SOD2: variants seen among roughly 807,000 people sequenced by gnomAD.
SOD2 encodes superoxide dismutase 2, also known as superoxide dismutase [Mn], mitochondrial.
Under a neutral mutation model 27.0 loss-of-function variants are expected in SOD2, and 11 were observed. The ratio of observed to expected loss-of-function variants is 0.41; its 90% CI spans 0.26 to 0.67. The LOEUF is 0.67. Ranked by LOEUF, SOD2 falls within the 30% of genes least tolerant of loss-of-function variation. SOD2 has a pLI of 0.34. For missense variants in SOD2, 250 were observed against 274.5 expected, an observed-to-expected ratio of 0.91 and a Z score of 0.63; for synonymous variants, 105 against 103.0, an observed-to-expected ratio of 1.02 and a Z score of -0.12.
Position 159,693,204 on chromosome 6 carries a change from C to G in SOD2, c.-37G>C. On this transcript the variant is annotated 5_prime_UTR_variant, in exon 1 of 5. Coordinates refer to ENST00000538183, the MANE Select transcript of SOD2 (RefSeq NM_000636.4). ...TGGTGCTACCGCTGATGCCGCCGAT[C>G]TGCTGAAGCCGCTGCCGAAGCCACC... is the stretch of plus-strand genomic sequence containing the variant. 1 of 1,511,168 alleles carries G rather than the reference C, an allele frequency of 6.6e-7. No individual in the cohort carries two copies. Among genetic ancestry groups the G allele is most frequent in the Non-Finnish European group, 8.9e-7 (1 of 1,126,960 alleles). The allele number at this position is 1,511,168 out of a possible 1,614,324, so 93.6% of individuals were successfully genotyped here.
At chr6:159,690,022 G>A (rs542889087) in intron 2 of SOD2, among the ~76,000 whole-genome samples, 32 of 151,218 alleles carry the variant, frequency 2.1e-4, no homozygotes, top group African/African-American at 7.0e-4. Flanking sequence ...GGTGGCTCAC[G>A]CCTGTAATCC....
In SOD2 at chr6:159,676,525, C is replaced by T. The variant is rs997474423; in HGVS notation, c.*5968G>A. 1 of 151,998 alleles carries T rather than the reference C, an allele frequency of 6.6e-6. No homozygotes were observed. Among genetic ancestry groups the T allele is most frequent in the Non-Finnish European group, 1.5e-5 (1 of 68,042 alleles). 9.4% of individuals were successfully genotyped at this position (151,998 alleles called of 1,614,324 possible). On this transcript the variant is annotated 3_prime_UTR_variant, in exon 5 of 5. Coordinates refer to ENST00000538183, the MANE Select transcript of SOD2 (RefSeq NM_000636.4). Reference sequence around the variant, plus strand: ...AAAAAACAAACACCGCATGTTCTCACTCATAGATGGGAATTGAACAATGAG... The same window carrying T: ...AAAAAACAAACACCGCATGTTCTCATTCATAGATGGGAATTGAACAATGAG...
intron 1 of SOD2, among the ~76,000 whole-genome samples, chr6:159,737,215 AT>A (rs1174322651): frequency 1.3e-5 from 2 of 151,886 alleles, no homozygotes; most frequent in African/African-American, 2.4e-5. Flanking sequence ...CGCCCAGCTA[AT>A]TTTTGTATTT....
At position 159,679,458 on chromosome 6, in the gene SOD2, C is replaced by T. The variant is rs1779856546; in HGVS notation, c.*3035G>A. ...ATTTTAACTTTATGGTTTGGTATTA[C>T]TTTTTTAAAGGCGCTCAATAGAAAT... On this transcript the variant is annotated 3_prime_UTR_variant, in exon 5 of 5. Coordinates refer to ENST00000538183, the MANE Select transcript of SOD2 (RefSeq NM_000636.4). 1 of 152,138 alleles carries T rather than the reference C, an allele frequency of 6.6e-6. No homozygotes were observed. The highest frequency in any genetic ancestry group is 2.4e-5 in the African/African-American group (1 of 41,430). The allele number at this position is 152,138 out of a possible 1,614,324, so 9.4% of individuals were successfully genotyped here.
At chr6:159,692,158 CAGG>C in intron 2 of SOD2, 1 of 234,730 alleles carries the variant, frequency 4.3e-6, no homozygotes, top group Non-Finnish European at 8.1e-6. Flanking sequence ...CCACTTCTAT[CAGG>C]AGGTGACCCT....
chr6:159,749,037 C>G (rs1280779710), upstream of SOD2: 1 of 994,862 alleles, frequency 1.0e-6, no homozygotes, highest in Non-Finnish European at 1.2e-6. Flanking sequence ...TATATTTAAC[C>G]ATTTAGTTTG....
rs1779847396 is a variant in SOD2, at chr6:159,679,219, A to T, written c.*3274T>A. On this transcript the variant is annotated 3_prime_UTR_variant, in exon 5 of 5. Transcript: ENST00000538183. ...TCAAACAAAAATTATCCAGGACCTT[A>T]TAGGGTTTTCAGTATGTACCAGGCT... is the stretch of plus-strand genomic sequence containing the variant. 1 of 152,250 alleles carries T rather than the reference A, an allele frequency of 6.6e-6. No individual in the cohort carries two copies. Among genetic ancestry groups the T allele is most frequent in the South Asian group, 2.1e-4 (1 of 4,836 alleles). The allele number at this position is 152,250 out of a possible 1,614,324, so 9.4% of individuals were successfully genotyped here.
Position 159,674,097 on chromosome 6 carries a change from ATAAT to A in SOD2, c.*8392_*8395del, listed in dbSNP as rs1251031649. ...AATAACAGGCTCTGAAATTGAGGCA[ATAAT>A]TAATAGCCTACCAACCAAAAAAAGT... On this transcript the variant is annotated 3_prime_UTR_variant, in exon 5 of 5. Transcript: ENST00000538183. The A allele has an allele frequency of 1.3e-5, 2 of 152,246 alleles. No individual in the cohort carries two copies. The highest frequency in any genetic ancestry group is 1.5e-5 in the Non-Finnish European group (1 of 68,046). 9.4% of individuals were successfully genotyped at this position (152,246 alleles called of 1,614,324 possible). A position where few individuals can be genotyped will look rare whatever the true frequency, so the allele number is the denominator to read the frequency against.
intron 1 of SOD2, among the ~76,000 whole-genome samples, chr6:159,722,733 A>G (rs1350930879): frequency 6.6e-6 from 1 of 152,192 alleles, no homozygotes; most frequent in African/African-American, 2.4e-5. Flanking sequence ...CATTACCTAC[A>G]ACAACTAGCC....
chr6:159,699,165 A>G (rs1777482885), intron 1 of SOD2, among the ~76,000 whole-genome samples: 1 of 152,144 alleles, frequency 6.6e-6, no homozygotes. Context: ...CTGTCCCTAC[A>G]CAACTTCCCA....
rs764725164 is a variant in SOD2 at position 159,740,326 on chromosome 6, A to G, written c.-116+4804T>C. 1.1e-4 allele frequency among the ~76,000 whole-genome samples: 17 copies of G among 152,222 alleles called. 1 individual carries two copies. In the East Asian group the frequency reaches 1.7e-3, roughly 16 times the overall value. On this transcript the variant is annotated intron_variant, in intron 1 of 3. Coordinates refer to the SOD2 transcript ENST00000537657. The stretch of plus-strand genomic sequence containing the variant: ...AAGATACCTTTAAGGTTTCTAAATC[A>G]TATGCAGTGTATTTCCTTGAGGTCA...
intron 4 of SOD2, among the ~76,000 whole-genome samples, chr6:159,683,914 G>A (rs998396983): frequency 6.6e-6 from 1 of 152,196 alleles, no homozygotes; most frequent in Non-Finnish European, 1.5e-5. Context: ...GTAGAAGAAG[G>A]GGCAGAGAAT....
At chr6:159,733,506 CAGGTACT>C (rs1354831954) in intron 1 of SOD2, among the ~76,000 whole-genome samples, 12 of 152,058 alleles carry the variant, frequency 7.9e-5, no homozygotes, top group Non-Finnish European at 1.5e-4. Context: ...CCTGTAGTCC[CAGGTACT>C]CGGGAGGCTG....
chr6:159,743,910 C>T (rs554945078), intron 1 of SOD2: 21 of 1,111,918 alleles, frequency 1.9e-5, no homozygotes, highest in South Asian at 1.4e-4. Flanking sequence ...TTTATAGGTA[C>T]GTATGCTTTG....
In SOD2 at chr6:159,676,298, G is replaced by C. The variant is rs572267111; in HGVS notation, c.*6195C>G. On this transcript the variant is annotated 3_prime_UTR_variant, in exon 5 of 5. Transcript: ENST00000538183. The stretch of plus-strand genomic sequence containing the variant: ...TGCTGCTATAAAGACACATGCACAC[G>C]TATATTTATTGTGGCACTGTTCACA... The C allele has an allele frequency of 6.6e-6, 1 of 152,228 alleles. No homozygotes were observed. Among genetic ancestry groups the C allele is most frequent in the South Asian group, 2.1e-4 (1 of 4,824 alleles). The allele number at this position is 152,228 out of a possible 1,614,324, so 9.4% of individuals were successfully genotyped here.
chr6:159,698,374 C>A (rs1777464654), intron 1 of SOD2, among the ~76,000 whole-genome samples: 1 of 151,864 alleles, frequency 6.6e-6, no homozygotes, highest in Non-Finnish European at 1.5e-5. Flanking sequence ...GCACTCTGCA[C>A]TCCAGTCTGG....
In SOD2 at chr6:159,674,799, G is replaced by A. The variant is rs1326559441; in HGVS notation, c.*7694C>T. 1 of 152,234 alleles carries A rather than the reference G, an allele frequency of 6.6e-6. No homozygotes were observed. Among genetic ancestry groups the A allele is most frequent in the Non-Finnish European group, 1.5e-5 (1 of 68,050 alleles). The allele number at this position is 152,234 out of a possible 1,614,324, so 9.4% of individuals were successfully genotyped here. A position where few individuals can be genotyped will look rare whatever the true frequency, so the allele number is the denominator to read the frequency against. On this transcript the variant is annotated 3_prime_UTR_variant, in exon 5 of 5. Coordinates refer to ENST00000538183, the MANE Select transcript of SOD2 (RefSeq NM_000636.4). ...GGGTATTCAATAAGGAAAAGAGGAA[G>A]TCAAATTGTCCCTGTTTGCAGATGA...
chr6:159,669,519 C>A lies in SOD2; in HGVS notation c.*12974G>T, dbSNP rs1779610932. ...ACATATATATTTATAATGATAATAT[C>A]CTCAGGCCTGGCACAGTGGCTCATG... is the stretch of plus-strand genomic sequence containing the variant. On this transcript the variant is annotated 3_prime_UTR_variant, in exon 5 of 5. Transcript: ENST00000538183. 6.6e-6 allele frequency: 1 copy of A among 152,004 alleles called. No homozygotes were observed. The highest frequency in any genetic ancestry group is 6.6e-5 in the Admixed American group (1 of 15,260). 9.4% of individuals were successfully genotyped at this position (152,004 alleles called of 1,614,324 possible).
At chr6:159,725,177 T>TA (rs1393018628) in intron 1 of SOD2, among the ~76,000 whole-genome samples, 2 of 152,146 alleles carry the variant, frequency 1.3e-5, no homozygotes, top group African/African-American at 4.8e-5. Flanking sequence ...ACTAGAGTAC[T>TA]GTGTTCAAAA....
Sources: allele counts gnomAD v4.1 joint callset (sites outside exome capture counted in the v4.1 genomes callset), GRCh38; gene constraint gnomAD v4.1.1; transcripts MANE v1.5; gene names NCBI Gene and HGNC (gene_info 2026-07-23, HGNC 2026-07-21).